The following SGCD variants were observed in gnomAD, a reference collection of about 807,000 sequenced individuals.
SGCD encodes sarcoglycan delta.
A neutral mutation model predicts 36.6 loss-of-function variants in SGCD; 18 were observed. The ratio of observed to expected loss-of-function variants is 0.49; its 90% confidence interval spans 0.34 to 0.73. The LOEUF (loss-of-function observed/expected upper bound fraction) is 0.73, where lower values mean the gene tolerates loss of function less well. SGCD is among the 30% of genes least tolerant of loss of function. The pLI is 0.01. For missense variants in SGCD, 387 were observed against 346.7 expected, an observed-to-expected ratio of 1.12 and a Z score of -0.92; for synonymous variants, 133 against 130.6, an observed-to-expected ratio of 1.02 and a Z score of -0.12.
intron 7 of SGCD, among the ~76,000 whole-genome samples, chr5:156,652,500 A>G (rs1763498836): frequency 6.6e-6 from 1 of 151,824 alleles, no homozygotes; most frequent in South Asian, 2.1e-4. Context: ...TCTCTCTCAT[A>G]TACACACATA....
chr5:155,926,635 G>C (rs1372594179), intron 1 of SGCD, among the ~76,000 whole-genome samples: 2 of 152,136 alleles, frequency 1.3e-5, no homozygotes, highest in Non-Finnish European at 2.9e-5. Flanking sequence ...TAATTTATGT[G>C]TAAAGATGTT....
intron 7 of SGCD, among the ~76,000 whole-genome samples, chr5:156,675,705 CTG>C (rs1753479647): frequency 6.6e-6 from 1 of 152,170 alleles, no homozygotes; most frequent in Non-Finnish European, 1.5e-5. Flanking sequence ...AGCATTCCTA[CTG>C]CAAAGAGTTT....
intron 1 of SGCD, among the ~76,000 whole-genome samples, chr5:156,044,674 T>C (rs73812920): frequency 0.15 from 23,424 of 152,172 alleles, 2,116 homozygotes; most frequent in Non-Finnish European, 0.2. Context: ...GACAGAATTT[T>C]TTTCATATAG....
the SGCD span, among the ~76,000 whole-genome samples, chr5:155,791,957 C>A: frequency 1.3e-5 from 2 of 151,986 alleles, no homozygotes; most frequent in South Asian, 4.1e-4. Flanking sequence ...CAAAACAATC[C>A]TCAGCAATAA....
At chr5:156,631,476 T>A (rs567256476) in intron 6 of SGCD, among the ~76,000 whole-genome samples, 359 of 147,774 alleles carry the variant, frequency 2.4e-3, no homozygotes, top group Admixed American at 7.4e-3. Flanking sequence ...TTTTTTTTTT[T>A]AAAAAAAAGA....
chr5:156,449,603 G>A (rs1447431802), intron 3 of SGCD, among the ~76,000 whole-genome samples: 1 of 148,682 alleles, frequency 6.7e-6, no homozygotes, highest in Non-Finnish European at 1.5e-5. Flanking sequence ...TGGCGGAAAC[G>A]GGTGGATCAC....
At chr5:155,789,387 A>G in the SGCD span, among the ~76,000 whole-genome samples, 1 of 152,150 alleles carries the variant, frequency 6.6e-6, no homozygotes, top group Non-Finnish European at 1.5e-5. Context: ...CAGATAGCAT[A>G]AAATTTAGAC....
the SGCD span, among the ~76,000 whole-genome samples, chr5:155,843,988 A>G: frequency 2.0e-5 from 3 of 152,260 alleles, no homozygotes; most frequent in African/African-American, 7.2e-5. Flanking sequence ...CTGGATTAAT[A>G]CAGTGCTATA....
intron 1 of SGCD, among the ~76,000 whole-genome samples, chr5:156,101,785 G>T (rs946530963): frequency 6.6e-6 from 1 of 152,098 alleles, no homozygotes; most frequent in South Asian, 2.1e-4. Flanking sequence ...GATAGAAAAT[G>T]TAATGGATAA....
intron 1 of SGCD, among the ~76,000 whole-genome samples, chr5:156,072,883 A>G (rs553852139): frequency 5.7e-4 from 87 of 151,954 alleles, no homozygotes; most frequent in Non-Finnish European, 2.9e-5. Context: ...CATTCATTTC[A>G]TCTTCCATCA....
Position 156,445,857 on chromosome 5 carries a change from G to T in SGCD, c.193-62744G>T, listed in dbSNP as rs556002757. On this transcript the variant is annotated intron_variant, in intron 3 of 8. Coordinates refer to ENST00000337851, the MANE Select transcript of SGCD (RefSeq NM_000337.6). ...GCACCCATGCACACACAAACACTGT[G>T]TTTTTAACCGTCGTGTGCTCTTGAA... Among the ~76,000 whole-genome samples, 41 of 152,210 alleles carry T rather than the reference G, an allele frequency of 2.7e-4. No individual in the cohort carries two copies. The South Asian group carries it at 7.1e-3, about 26-fold the overall frequency.
chr5:155,973,681 T>C (rs1758050317), intron 1 of SGCD, among the ~76,000 whole-genome samples: 1 of 152,204 alleles, frequency 6.6e-6, no homozygotes, highest in African/African-American at 2.4e-5. Context: ...TCTCCAACTA[T>C]CAGGGTAGAC....
chr5:155,985,691 A>T (rs1758315607), intron 1 of SGCD, among the ~76,000 whole-genome samples: 2 of 152,210 alleles, frequency 1.3e-5, no homozygotes, highest in African/African-American at 4.8e-5. Flanking sequence ...AATTTGGTAG[A>T]TGGATTCCCT....
intron 3 of SGCD, among the ~76,000 whole-genome samples, chr5:156,430,215 ACT>A (rs1428546903): frequency 2.0e-5 from 3 of 151,702 alleles, no homozygotes; most frequent in Non-Finnish European, 2.9e-5. Flanking sequence ...AGTTTTTAAA[ACT>A]CTTTTTTCTT....
chr5:156,668,882 G>C (rs959104629), intron 7 of SGCD, among the ~76,000 whole-genome samples: 2 of 152,230 alleles, frequency 1.3e-5, no homozygotes, highest in East Asian at 1.9e-4. Context: ...GAAAGCAAAG[G>C]GTCATTGCAT....
chr5:156,584,590 A>G (rs1444490481), intron 4 of SGCD, among the ~76,000 whole-genome samples: 1 of 152,062 alleles, frequency 6.6e-6, no homozygotes, highest in Non-Finnish European at 1.5e-5. Context: ...TTTGACCTTT[A>G]TGTCCACAAG....
intron 3 of SGCD, among the ~76,000 whole-genome samples, chr5:156,469,573 GTAA>G (rs2127826007): frequency 6.6e-6 from 1 of 152,242 alleles, no homozygotes; most frequent in African/African-American, 2.4e-5. Context: ...AATGATTCTG[GTAA>G]TAATTGCACC....
the SGCD span, among the ~76,000 whole-genome samples, chr5:155,853,177 T>C: frequency 1.3e-5 from 2 of 149,368 alleles, no homozygotes; most frequent in Admixed American, 1.3e-4. Context: ...AGATAAAATA[T>C]TATTACTGTT....
intron 4 of SGCD, among the ~76,000 whole-genome samples, chr5:156,538,104 G>A (rs966265905): frequency 3.4e-5 from 4 of 119,154 alleles, no homozygotes; most frequent in African/African-American, 1.2e-4. Flanking sequence ...TAATATATTT[G>A]GAAAAAAAAA....
Sources: allele counts gnomAD v4.1 joint callset (sites outside exome capture counted in the v4.1 genomes callset), GRCh38; gene constraint gnomAD v4.1.1; transcripts MANE v1.5; gene names NCBI Gene and HGNC (gene_info 2026-07-23, HGNC 2026-07-21).